SMCO4: variants seen among roughly 807,000 people sequenced by gnomAD.
SMCO4 encodes the protein single-pass membrane protein with coiled-coil domains 4.
A neutral mutation model predicts 3.6 loss-of-function variants in SMCO4; 4 were observed. That is an observed-to-expected ratio of 1.11 (90% CI 0.54 to 2.53). The LOEUF (loss-of-function observed/expected upper bound fraction) is 2.53. Ranked by LOEUF, SMCO4 falls within the 30% of genes most tolerant of loss-of-function variation. The pLI is 0.02. For synonymous variants in SMCO4, 36 were observed against 35.3 expected (o/e 1.02, Z -0.07); for missense variants, 70 against 80.8 (o/e 0.87, Z 0.51).
At chr11:93,512,862 C>T (rs1331771860) in intron 1 of SMCO4, among the ~76,000 whole-genome samples, 1 of 152,162 alleles carries the variant, frequency 6.6e-6, no homozygotes, top group African/African-American at 2.4e-5. Context: ...CAGGGCAATA[C>T]AGAGTACTAT....
chr11:93,552,440 ACGTTATTATTAT>A, the SMCO4 span, among the ~76,000 whole-genome samples: 1 of 79,404 alleles, frequency 1.3e-5, no homozygotes, highest in African/African-American at 4.2e-5. Context: ...GTGCCCAGCC[ACGTTATTATTAT>A]TATTATTATT....
chr11:93,489,323 A>G (rs958725122), intron 2 of SMCO4, among the ~76,000 whole-genome samples: 3 of 152,250 alleles, frequency 2.0e-5, no homozygotes, highest in Non-Finnish European at 4.4e-5. Flanking sequence ...AGCTGTCATC[A>G]TCATAAGGAA....
chr11:93,538,629 T>G (rs1291860906), intron 1 of SMCO4, among the ~76,000 whole-genome samples: 2 of 152,154 alleles, frequency 1.3e-5, no homozygotes, highest in Non-Finnish European at 2.9e-5. Context: ...GGAGGCACTT[T>G]TGGTTTCTGC....
chr11:93,485,279 T>G (rs1246507496), intron 2 of SMCO4, among the ~76,000 whole-genome samples: 1 of 152,176 alleles, frequency 6.6e-6, no homozygotes, highest in African/African-American at 2.4e-5. Context: ...GAGAACTCCC[T>G]AAGCCTTCAC....
At chr11:93,535,006 C>T (rs764060561) in intron 1 of SMCO4, among the ~76,000 whole-genome samples, 2 of 152,326 alleles carry the variant, frequency 1.3e-5, no homozygotes, top group Middle Eastern at 3.4e-3. Context: ...TTCCTGGAGG[C>T]TTTTCCAGAA....
chr11:93,522,341 C>A (rs1949065642), intron 1 of SMCO4, among the ~76,000 whole-genome samples: 1 of 152,180 alleles, frequency 6.6e-6, no homozygotes, highest in Non-Finnish European at 1.5e-5. Flanking sequence ...ATTCCACTCA[C>A]CCCTCTGGCT....
At chr11:93,539,066 G>A (rs1355043117) in intron 1 of SMCO4, among the ~76,000 whole-genome samples, 2 of 152,110 alleles carry the variant, frequency 1.3e-5, no homozygotes, top group Non-Finnish European at 2.9e-5. Flanking sequence ...CCACTTGCTG[G>A]CTATGTGAAC....
chr11:93,498,253 T>A (rs1421226614), intron 2 of SMCO4, among the ~76,000 whole-genome samples: 4 of 152,232 alleles, frequency 2.6e-5, no homozygotes, highest in Non-Finnish European at 5.9e-5. Context: ...AAGAAACTTT[T>A]ATGGGATCTT....
chr11:93,507,293 G>A (rs142046480), intron 1 of SMCO4, among the ~76,000 whole-genome samples: 2,681 of 152,158 alleles, frequency 0.018, 85 homozygotes, highest in African/African-American at 0.061. Context: ...CCAGTTACTC[G>A]GGAGGCTGAG....
At chr11:93,535,936 G>T in intron 1 of SMCO4, 1 of 1,505,282 alleles carries the variant, frequency 6.6e-7, no homozygotes, top group Admixed American at 2.1e-5. Context: ...TAAGATTAGG[G>T]TCTTTTTGGA....
chr11:93,534,367 T>G (rs1322030637), intron 1 of SMCO4, among the ~76,000 whole-genome samples: 51 of 96,228 alleles, frequency 5.3e-4, no homozygotes, highest in East Asian at 3.7e-3. Context: ...CATATATATA[T>G]ATATATATAG....
chr11:93,530,439 A>T (rs1317884264), intron 1 of SMCO4, among the ~76,000 whole-genome samples: 1 of 152,178 alleles, frequency 6.6e-6, no homozygotes, highest in African/African-American at 2.4e-5. Context: ...AACATTTTTT[A>T]AAAACCTGCC....
At chr11:93,510,396 C>A (rs1403916480) in intron 1 of SMCO4, among the ~76,000 whole-genome samples, 2 of 152,306 alleles carry the variant, frequency 1.3e-5, no homozygotes, top group East Asian at 3.9e-4. Context: ...TGCCCTTGAC[C>A]AACCAAGGCC....
At chr11:93,524,825 G>A (rs1949090806) in intron 1 of SMCO4, among the ~76,000 whole-genome samples, 1 of 152,162 alleles carries the variant, frequency 6.6e-6, no homozygotes, top group South Asian at 2.1e-4. Flanking sequence ...CCTGCTCACT[G>A]CACTCATCCA....
intron 1 of SMCO4, chr11:93,535,611 C>A: frequency 1.9e-6 from 3 of 1,565,730 alleles, no homozygotes; most frequent in Non-Finnish European, 2.6e-6. Flanking sequence ...CTGTGGAGGG[C>A]TTTGAGCCTG....
chr11:93,517,067 T>A (rs1949014276), intron 1 of SMCO4, among the ~76,000 whole-genome samples: 1 of 152,080 alleles, frequency 6.6e-6, no homozygotes, highest in Non-Finnish European at 1.5e-5. Flanking sequence ...ATAAAGACCT[T>A]TCTTCCAAGG....
chr11:93,481,119 T>C (rs1948587756), intron 2 of SMCO4, among the ~76,000 whole-genome samples: 1 of 152,232 alleles, frequency 6.6e-6, no homozygotes, highest in African/African-American at 2.4e-5. Flanking sequence ...ATTCTCCTTT[T>C]CAAGTCTTCC....
chr11:93,505,143 A>T (rs1486028958), intron 1 of SMCO4, among the ~76,000 whole-genome samples: 2 of 152,238 alleles, frequency 1.3e-5, no homozygotes, highest in Non-Finnish European at 2.9e-5. Context: ...ACTGATCTTC[A>T]GCAGTCTGGA....
intron 1 of SMCO4, among the ~76,000 whole-genome samples, chr11:93,533,838 A>G (rs574088003): frequency 5.3e-4 from 81 of 152,136 alleles, no homozygotes; most frequent in Non-Finnish European, 1.1e-3. Flanking sequence ...CTTTAATGTT[A>G]CCAGATTAAG....
Sources: gnomAD v4.1 joint callset for allele counts (sites outside exome capture counted in the v4.1 genomes callset) on GRCh38, gnomAD v4.1.1 for gene constraint, MANE v1.5 for transcripts, NCBI Gene and HGNC (gene_info 2026-07-23, HGNC 2026-07-21) for gene names.